DHX32: variants seen among roughly 807,000 people sequenced by gnomAD.
DHX32 encodes the protein putative pre-mRNA-splicing factor ATP-dependent RNA helicase DHX32.
Under a neutral mutation model 70.0 loss-of-function variants are expected in DHX32, and 51 were observed. That is an observed-to-expected ratio of 0.73 (90% CI 0.58 to 0.92). The LOEUF (loss-of-function observed/expected upper bound fraction) is 0.92. DHX32 is among the 40% of genes least tolerant of loss of function. The pLI is 0.00. For missense variants in DHX32, 762 were observed against 891.8 expected (o/e 0.85, Z 1.85); for synonymous variants, 310 against 315.3 (o/e 0.98, Z 0.18).
chr10:125,867,850 G>A (rs960388722), intron 1 of DHX32, among the ~76,000 whole-genome samples: 2 of 151,556 alleles, frequency 1.3e-5, no homozygotes, highest in African/African-American at 4.8e-5. Flanking sequence ...TGATTAGAAG[G>A]CCCATCAAAA....
At chr10:125,839,699 A>G (rs1854816380) in intron 8 of DHX32, among the ~76,000 whole-genome samples, 1 of 152,238 alleles carries the variant, frequency 6.6e-6, no homozygotes, top group African/African-American at 2.4e-5. Context: ...ATTATGTTAT[A>G]GTTAAGCTCA....
At chr10:125,841,227 G>C (rs1245838778) in intron 7 of DHX32, 3 of 1,600,980 alleles carry the variant, frequency 1.9e-6, no homozygotes, top group East Asian at 2.2e-5. Context: ...AACTGAATAT[G>C]GTTAATATCC....
intron 9 of DHX32, 43 bp from the exon 10 acceptor site, chr10:125,838,430 T>C (rs1854770626): frequency 6.7e-7 from 1 of 1,489,158 alleles, no homozygotes; most frequent in South Asian, 1.4e-5. Context: ...TGTATTAATA[T>C]GGAGATCATT....
chr10:125,875,812 C>T (rs116197175), intron 1 of DHX32, among the ~76,000 whole-genome samples: 2,630 of 152,206 alleles, frequency 0.017, 86 homozygotes, highest in African/African-American at 0.06. Context: ...TGCAGTGGGC[C>T]AAGCTAACTT....
chr10:125,874,098 T>A (rs1163273112), intron 1 of DHX32, among the ~76,000 whole-genome samples: 1 of 152,198 alleles, frequency 6.6e-6, no homozygotes. Context: ...TAAGAAAAGA[T>A]TCTATAAACA....
chr10:125,852,185 T>A (rs1316710295), intron 6 of DHX32, 108 bp downstream of exon 6: 9 of 1,373,996 alleles, frequency 6.6e-6, no homozygotes, highest in African/African-American at 4.4e-5. Context: ...CAACGCCCCC[T>A]CCATGCTTGT....
In DHX32 at chr10:125,840,869, T is replaced by G. The variant is rs34617890; in HGVS notation, c.1671A>C (p.Thr557=). 1,664 of 1,599,026 alleles carry G rather than the reference T, an allele frequency of 1.0e-3. 8 individuals are homozygous for G. In the African/African-American group the frequency reaches 0.02, roughly 19 times the overall value. The change falls in exon 8 of 11, where the codon ACA becomes ACC. Residue 557 remains threonine (T), a synonymous_variant. Coordinates refer to ENST00000284690, the MANE Select transcript of DHX32 (RefSeq NM_018180.3). ...TACACTCACTGCTAGAATTCAGAGT[T>G]GTGTCTTGGTAAGCCTTGTAAATGC... ...LISIYKAYQD[T]TLNSSSEYCV... is the part of the protein sequence containing the mutation.
rs2134060927 is a variant in DHX32, at chr10:125,866,893, G to T, written c.476+97C>A. 7.4e-7 allele frequency: 1 copy of T among 1,348,460 alleles called. No individual in the cohort carries two copies. The highest frequency in any genetic ancestry group is 1.0e-6 in the Non-Finnish European group (1 of 971,422). The allele number at this position is 1,348,460 out of a possible 1,614,324, so 83.5% of individuals were successfully genotyped here. The stretch of plus-strand genomic sequence containing the variant: ...CCAGTTGCTACTGCACAGCATAGAT[G>T]CTTAACAGGTAGAATGCCAGAATAA... On this transcript the variant is annotated intron_variant, in intron 2 of 10. Coordinates refer to ENST00000284690, the MANE Select transcript of DHX32 (RefSeq NM_018180.3). The surrounding 1 kb of genome is among the most constrained non-coding windows in gnomAD (Gnocchi z 4.8).
At position 125,840,955 on chromosome 10, in the gene DHX32, C is replaced by A. The variant is rs78840782; in HGVS notation, c.1585G>T (p.Ala529Ser). ...AATGTCTTCCAACAAGTCAAGGCAGCCTCTTCAGCTCCATGTGGCACATGT... is the reference window on the plus strand; with the variant it reads ...AATGTCTTCCAACAAGTCAAGGCAGACTCTTCAGCTCCATGTGGCACATGT... ...FSHVPHGAEEAALTCWKTFLH... is the reference protein window; with the variant it reads ...FSHVPHGAEESALTCWKTFLH... The change falls in exon 8 of 11, where the codon GCT becomes TCT. Residue 529 changes from alanine (A) to serine (S), a missense_variant. Around this residue, in one of 3 missense-constraint regions of DHX32, gnomAD observed 366 missense variants for 402.6 expected, o/e 0.91. Coordinates refer to ENST00000284690, the MANE Select transcript of DHX32 (RefSeq NM_018180.3). 5.6e-6 allele frequency: 9 copies of A among 1,611,766 alleles called. No individual in the cohort carries two copies. In the African/African-American group the frequency reaches 9.3e-5, roughly 17 times the overall value.
intron 1 of DHX32, among the ~76,000 whole-genome samples, chr10:125,887,319 G>A (rs1329085728): frequency 1.3e-5 from 2 of 152,216 alleles, no homozygotes; most frequent in Non-Finnish European, 2.9e-5. Context: ...AGGGTGGGGT[G>A]TGGAAATAGA....
At chr10:125,891,520 C>A (rs1287802231) in intron 1 of DHX32, among the ~76,000 whole-genome samples, 2 of 152,216 alleles carry the variant, frequency 1.3e-5, no homozygotes, top group African/African-American at 4.8e-5. Context: ...CGGGAGGAGC[C>A]CAGGAGTTCC....
chr10:125,860,341 T>G (rs1389064627), intron 2 of DHX32, among the ~76,000 whole-genome samples: 1 of 152,196 alleles, frequency 6.6e-6, no homozygotes, highest in Non-Finnish European at 1.5e-5. Flanking sequence ...GGTCAATTTT[T>G]CCTCTCGAAT....
rs1797056719 is a variant in DHX32 at position 125,839,156 on chromosome 10, G to T, written c.1726C>A (p.Leu576Ile). 1 of 1,614,112 alleles carries T rather than the reference G, an allele frequency of 6.2e-7. No individual in the cohort carries two copies. Reference sequence around the variant, plus strand: ...GCCATTCTGAGTGCTGAACAGTTGAGGAAGTAATCACGACACCACTTTTCC... The same window carrying T: ...GCCATTCTGAGTGCTGAACAGTTGATGAAGTAATCACGACACCACTTTTCC... ...CVEKWCRDYF[L>I]NCSALRMADV... Residue 576 changes from leucine to isoleucine, a missense_variant, in exon 9 of 11, where the codon CTC (leucine) becomes ATC (isoleucine). Transcript: ENST00000284690.
chr10:125,878,167 GA>G (rs1944295561), intron 1 of DHX32, among the ~76,000 whole-genome samples: 1 of 152,162 alleles, frequency 6.6e-6, no homozygotes, highest in Admixed American at 6.5e-5. Context: ...CCCAGAATAT[GA>G]CTGAAGGAGA....
chr10:125,891,349 CTCTCT>C (rs1443134012), intron 1 of DHX32, among the ~76,000 whole-genome samples: 1 of 140,246 alleles, frequency 7.1e-6, no homozygotes, highest in African/African-American at 2.5e-5. Context: ...CCATCTCTCT[CTCTCT>C]TTTTTTTTTT....
rs1564832238 is a variant in DHX32 at position 125,880,585 on chromosome 10, G to A, written c.240C>T (p.Ile80=). ...ATTTAGCATCTCCTGAAACAATCACGATTTGATTTTGAAGCAGGTTCTCCA... is the reference window on the plus strand; with the variant it reads ...ATTTAGCATCTCCTGAAACAATCACAATTTGATTTTGAAGCAGGTTCTCCA... ...SFMENLLQNQ[I]VIVSGDAKCG... is the part of the protein sequence containing the mutation. The change falls in exon 1 of 11, where the codon ATC becomes ATT. Residue 80 remains isoleucine (I), a synonymous_variant. Coordinates refer to ENST00000284690, the MANE Select transcript of DHX32 (RefSeq NM_018180.3). 2.5e-6 allele frequency: 4 copies of A among 1,612,856 alleles called. No homozygotes were observed. The African/African-American group carries it at 4.0e-5, about 16-fold the overall frequency.
At position 125,838,281 on chromosome 10, in the gene DHX32, T is replaced by C. The variant is rs1003925356; in HGVS notation, c.1988A>G (p.Glu663Gly). The C allele has an allele frequency of 1.2e-6, 2 of 1,613,990 alleles. No homozygotes were observed. The highest frequency in any genetic ancestry group is 2.7e-5 in the African/African-American group (2 of 75,040). Residue 663 changes from glutamate (E) to glycine (G), a missense_variant, in exon 10 of 11, where the codon GAG (glutamate) becomes GGG (glycine). By Grantham distance (98) the Glu-to-Gly change is moderately conservative (BLOSUM62 -2). Coordinates refer to ENST00000284690, the MANE Select transcript of DHX32 (RefSeq NM_018180.3). ...SGYSITKKMP[E>G]WVLFHKFSIS... ...GCTGAATTTATGGAAGAGGACCCAC[T>C]CTGGCATCTTCTTGGTGATTGAGTA...
chr10:125,842,190 A>G lies in DHX32; in HGVS notation c.1352-256T>C, dbSNP rs1854901270. 3 of 418,524 alleles carry G rather than the reference A, an allele frequency of 7.2e-6. No homozygotes were observed. In the South Asian group the frequency reaches 1.1e-4, roughly 16 times the overall value. 25.9% of individuals were successfully genotyped at this position (418,524 alleles called of 1,614,324 possible). On this transcript the variant is annotated intron_variant, in intron 6 of 10. Transcript: ENST00000284690. ...TGCAGTGTGCATGCGGGGGGAACCC[A>G]GGTGGAGCCTGCCAGCCTCCCTGCA...
At chr10:125,841,298 G>C in intron 7 of DHX32, 1 of 1,614,172 alleles carries the variant, frequency 6.2e-7, no homozygotes. Flanking sequence ...GACACAAGAA[G>C]AGGATTGGAA....
Sources: allele counts gnomAD v4.1 joint callset (sites outside exome capture counted in the v4.1 genomes callset), GRCh38; gene constraint gnomAD v4.1.1; regional missense constraint gnomAD v4.1.1; non-coding constraint Gnocchi (gnomAD v3.1); transcripts MANE v1.5; gene names NCBI Gene and HGNC (gene_info 2026-07-23, HGNC 2026-07-21).